DAB1: variants seen among roughly 807,000 people sequenced by gnomAD.
DAB1 encodes the protein disabled homolog 1.
DAB1 carries 15 observed loss-of-function variants against 64.6 expected under a neutral mutation model. The ratio of observed to expected loss-of-function variants is 0.23; its 90% CI spans 0.16 to 0.36. DAB1 has a LOEUF of 0.36. DAB1 is among the 10% of genes least tolerant of loss of function. DAB1 has a pLI of 1.00. For synonymous variants in DAB1, 235 were observed against 251.9 expected (o/e 0.93, Z 0.64); for missense variants, 596 against 706.7 (o/e 0.84, Z 1.78).
rs773042070 is a variant in DAB1, at chr1:57,015,340, G to A, written c.987C>T (p.Val329=). 8.7e-6 allele frequency: 14 copies of A among 1,614,052 alleles called. No homozygotes were observed. Among genetic ancestry groups the A allele is most frequent in the Admixed American group, 3.3e-5 (2 of 60,024 alleles). Residue 329 remains valine, a synonymous_variant, in exon 12 of 15, where the codon GTC becomes GTT. Coordinates refer to ENST00000371236, the MANE Select transcript of DAB1 (RefSeq NM_001365792.1). The part of the protein sequence containing the change: ...QQMVMGAQPP[V]AQVMPGAQPI... ...GCTGAGCCCCCGGCATCACCTGAGC[G>A]ACTGGTGGCTGGGCACCCATGACCA...
chr1:58,327,851 T>C (rs1662870925), intron 4 of DAB1, among the ~76,000 whole-genome samples: 1 of 152,044 alleles, frequency 6.6e-6, no homozygotes, highest in African/African-American at 2.4e-5. Context: ...ATAAGCACTA[T>C]CATATTAGTA....
At chr1:58,127,594 T>C (rs1194688000) in intron 5 of DAB1, among the ~76,000 whole-genome samples, 1 of 152,202 alleles carries the variant, frequency 6.6e-6, no homozygotes, top group African/African-American at 2.4e-5. Context: ...TGGTTTTAGG[T>C]CTAACATTTA....
At chr1:57,136,676 G>GT (rs1658143517) in intron 3 of DAB1, 35 bp from the exon 4 acceptor site, 12 of 1,420,740 alleles carry the variant, frequency 8.4e-6, no homozygotes, top group Non-Finnish European at 1.1e-5. Context: ...TTACTTAAGT[G>GT]TTTTCATTTG....
intron 5 of DAB1, among the ~76,000 whole-genome samples, chr1:57,920,676 A>T (rs1644795248): frequency 6.6e-6 from 1 of 152,150 alleles, no homozygotes; most frequent in Admixed American, 6.5e-5. Flanking sequence ...CCACATCCTC[A>T]TGTACAAAAT....
chr1:57,202,446 C>T (rs1665182695), intron 2 of DAB1, among the ~76,000 whole-genome samples: 1 of 152,112 alleles, frequency 6.6e-6, no homozygotes, highest in Non-Finnish European at 1.5e-5. Context: ...CATTGAAATG[C>T]AAAGAGAGGC....
intron 5 of DAB1, among the ~76,000 whole-genome samples, chr1:58,061,365 G>A (rs1398931056): frequency 1.3e-5 from 2 of 152,150 alleles, no homozygotes; most frequent in African/African-American, 4.8e-5. Flanking sequence ...GTGTTGGCAG[G>A]GCTATTTCCT....
chr1:57,318,812 G>T (rs1675441797), intron 1 of DAB1, among the ~76,000 whole-genome samples: 1 of 151,394 alleles, frequency 6.6e-6, no homozygotes, highest in Admixed American at 6.6e-5. Context: ...AAAGACATGG[G>T]CTTGTTACGT....
chr1:57,325,582 G>GT, intron 1 of DAB1, among the ~76,000 whole-genome samples: 1 of 152,248 alleles, frequency 6.6e-6, no homozygotes, highest in South Asian at 2.1e-4. Context: ...TATAACTGAT[G>GT]TTTTTACATA....
At chr1:57,333,834 C>T (rs1226542163) in intron 1 of DAB1, among the ~76,000 whole-genome samples, 1 of 152,170 alleles carries the variant, frequency 6.6e-6, no homozygotes, top group African/African-American at 2.4e-5. Flanking sequence ...GTGGACAAAT[C>T]TAAACAAATT....
intron 4 of DAB1, among the ~76,000 whole-genome samples, chr1:58,155,676 G>A (rs973647190): frequency 6.6e-6 from 1 of 152,164 alleles, no homozygotes; most frequent in African/African-American, 2.4e-5. Context: ...TTGCAGGTCC[G>A]GCTATCAGAG....
chr1:57,546,639 A>G (rs1644859742), intron 7 of DAB1, among the ~76,000 whole-genome samples: 1 of 152,214 alleles, frequency 6.6e-6, no homozygotes, highest in Admixed American at 6.5e-5. Context: ...ATATGGGCCT[A>G]TTAGGGAGAA....
At chr1:57,205,843 T>C (rs1665494560) in intron 2 of DAB1, among the ~76,000 whole-genome samples, 1 of 152,226 alleles carries the variant, frequency 6.6e-6, no homozygotes, top group South Asian at 2.1e-4. Context: ...TGTCTCCTAG[T>C]GCATTCAAAC....
chr1:57,894,997 A>G (rs1000544180), intron 5 of DAB1, among the ~76,000 whole-genome samples: 2 of 152,154 alleles, frequency 1.3e-5, no homozygotes, highest in Non-Finnish European at 2.9e-5. Context: ...AAGTTTGTGA[A>G]AGGCCTGCAG....
At chr1:57,108,006 T>C (rs1655317741) in intron 4 of DAB1, among the ~76,000 whole-genome samples, 1 of 152,160 alleles carries the variant, frequency 6.6e-6, no homozygotes, top group African/African-American at 2.4e-5. Flanking sequence ...TAGATGGTCT[T>C]GCATCCCATC....
Position 58,081,423 on chromosome 1 carries a change from C to T in DAB1, n.387+69088G>A, listed in dbSNP as rs370687481. On this transcript the variant is annotated intron_variant and non_coding_transcript_variant, in intron 5 of 20. Transcript: ENST00000485760. ...GGGCTTCTTCTCTACACTAGCCTCA[C>T]TCCAGAACCTATGCTGATGGAGCAG... is the stretch of plus-strand genomic sequence containing the variant. Among the ~76,000 whole-genome samples, 68 of 152,366 alleles carry T rather than the reference C, an allele frequency of 4.5e-4. No individual in the cohort carries two copies. In the South Asian group the frequency reaches 0.014, roughly 31 times the overall value.
chr1:57,370,049 C>T (rs923551849), intron 1 of DAB1, among the ~76,000 whole-genome samples: 9 of 152,144 alleles, frequency 5.9e-5, no homozygotes, highest in Non-Finnish European at 1.3e-4. Flanking sequence ...TCACATTCCC[C>T]GGTATCACCT....
At chr1:58,005,109 A>G (rs866585981) in intron 5 of DAB1, among the ~76,000 whole-genome samples, 1 of 152,164 alleles carries the variant, frequency 6.6e-6, no homozygotes, top group African/African-American at 2.4e-5. Flanking sequence ...AAGTTTACAT[A>G]TCATAAAATT....
intron 4 of DAB1, among the ~76,000 whole-genome samples, chr1:58,207,037 C>T (rs1658316170): frequency 6.6e-6 from 1 of 152,176 alleles, no homozygotes; most frequent in Non-Finnish European, 1.5e-5. Context: ...GAAGGGGCCA[C>T]ATAAAGCAGA....
intron 5 of DAB1, among the ~76,000 whole-genome samples, chr1:58,028,552 T>A (rs1161058709): frequency 6.6e-6 from 1 of 152,148 alleles, no homozygotes; most frequent in African/African-American, 2.4e-5. Context: ...ATGCTAAACC[T>A]ATGACCACCA....
Sources: allele counts gnomAD v4.1 joint callset (sites outside exome capture counted in the v4.1 genomes callset), GRCh38; gene constraint gnomAD v4.1.1; transcripts MANE v1.5; gene names NCBI Gene and HGNC (gene_info 2026-07-23, HGNC 2026-07-21).